Variants in PCDH19 observed in about 807,000 individuals in gnomAD.
PCDH19 encodes protocadherin 19.
A neutral mutation model predicts 46.2 loss-of-function variants in PCDH19; 6 were observed. The ratio of observed to expected loss-of-function variants is 0.13; its 90% CI spans 0.07 to 0.26. The LOEUF is 0.26. PCDH19 is among the 10% of genes least tolerant of loss of function. PCDH19 has a pLI of 1.00. For missense variants in PCDH19, 740 were observed against 972.3 expected, an observed-to-expected ratio of 0.76 and a Z score of 3.18; for synonymous variants, 481 against 415.7, an observed-to-expected ratio of 1.16 and a Z score of -1.91.
intron 3 of PCDH19, among the ~76,000 whole-genome samples, chrX:100,380,457 A>T (rs1340724946): frequency 8.9e-6 from 1 of 111,949 alleles, no homozygotes; most frequent in African/African-American, 3.2e-5. Context: ...AAGGCAGGGG[A>T]CTATGTCAGT....
intron 4 of PCDH19, 61 bp downstream of exon 4, chrX:100,350,585 G>T: frequency 2.5e-6 from 2 of 789,673 alleles, no homozygotes; most frequent in Non-Finnish European, 3.9e-6. Flanking sequence ...ATTTTAATCT[G>T]TTTTGCTTTT....
In PCDH19 at chrX:100,408,521, T is replaced by A. The variant is rs755403368; in HGVS notation, c.77A>T (p.Lys26Met). ...GCGCTGCTCCTCTTCTACCGAGTAC[T>A]TGAGATTAATGAGGGCGGCAGCCTG... ...WTQAAALINL[K>M]YSVEEEQRAG... The change falls in exon 1 of 6, where the codon AAG (lysine) becomes ATG (methionine). Residue 26 changes from lysine to methionine, a missense_variant. Lys to Met is a moderately conservative substitution (Grantham distance 95). Around this residue, in one of 5 missense-constraint regions of PCDH19, gnomAD observed 81 missense variants for 96.5 expected, o/e 0.84. Coordinates refer to ENST00000373034, the MANE Select transcript of PCDH19 (RefSeq NM_001184880.2). 16 of 1,198,577 alleles carry A rather than the reference T, an allele frequency of 1.3e-5. No individual in the cohort carries two copies. The highest frequency in any genetic ancestry group is 1.8e-5 in the Non-Finnish European group (16 of 892,275).
At chrX:100,352,677 C>T (rs972018717) in intron 3 of PCDH19, among the ~76,000 whole-genome samples, 2 of 111,312 alleles carry the variant, frequency 1.8e-5, no homozygotes, top group African/African-American at 6.5e-5. Context: ...AGTGTGTAGT[C>T]CTTCCTCCCC....
intron 3 of PCDH19, 90 bp downstream of exon 3, chrX:100,402,434 G>A (rs1157117622): frequency 1.2e-5 from 9 of 781,779 alleles, no homozygotes; most frequent in Non-Finnish European, 1.7e-5. Flanking sequence ...CCTGCCAGGG[G>A]ATGTGCCAGC....
Position 100,365,801 on chromosome X carries a change from G to T in PCDH19, c.2617-15097C>A, listed in dbSNP as rs773303880. Among the ~76,000 whole-genome samples the T allele has an allele frequency of 4.5e-5, 5 of 111,936 alleles. No homozygotes were observed. In the South Asian group the frequency reaches 1.9e-3, roughly 42 times the overall value. On this transcript the variant is annotated intron_variant, in intron 3 of 5. Coordinates refer to ENST00000373034, the MANE Select transcript of PCDH19 (RefSeq NM_001184880.2). ...AACCACCCCCAAAGCAACGCAGCTG[G>T]TTATTGGAAACTCAGGCATGGATTC...
intron 5 of PCDH19, among the ~76,000 whole-genome samples, chrX:100,303,404 T>C (rs1012567697): frequency 1.8e-5 from 2 of 111,767 alleles, no homozygotes; most frequent in Non-Finnish European, 3.8e-5. Context: ...ATCTTGAGGA[T>C]TGGGCTTATT....
intron 5 of PCDH19, among the ~76,000 whole-genome samples, chrX:100,304,081 A>C (rs1331216126): frequency 8.9e-6 from 1 of 112,521 alleles, no homozygotes; most frequent in Non-Finnish European, 1.9e-5. Flanking sequence ...TACACTCTTG[A>C]AAGCACCACC....
chrX:100,347,302 T>C (rs994487300), intron 4 of PCDH19, among the ~76,000 whole-genome samples: 2 of 110,875 alleles, frequency 1.8e-5, no homozygotes, highest in Non-Finnish European at 3.8e-5. Context: ...TTGTCTCTGC[T>C]CCCTTCCTCC....
At chrX:100,364,226 G>A (rs1274893239) in intron 3 of PCDH19, among the ~76,000 whole-genome samples, 2 of 110,715 alleles carry the variant, frequency 1.8e-5, no homozygotes, top group Admixed American at 9.6e-5. Context: ...AAGGACAGGG[G>A]CAAATTGACC....
At chrX:100,304,499 T>A (rs1447797304) in intron 5 of PCDH19, among the ~76,000 whole-genome samples, 1 of 111,541 alleles carries the variant, frequency 9.0e-6, no homozygotes, top group Non-Finnish European at 1.9e-5. Context: ...TCTGGTAATA[T>A]AACAAAACAA....
chrX:100,331,702 C>G (rs1486219586), intron 5 of PCDH19, among the ~76,000 whole-genome samples: 1 of 111,333 alleles, frequency 9.0e-6, no homozygotes, highest in African/African-American at 3.3e-5. Context: ...TGAGTGAGTT[C>G]TCACAGGAGC....
At chrX:100,344,696 A>G (rs1343993725) in intron 4 of PCDH19, among the ~76,000 whole-genome samples, 2 of 99,506 alleles carry the variant, frequency 2.0e-5, no homozygotes, top group Non-Finnish European at 4.0e-5. Flanking sequence ...TATGATGGTG[A>G]GGGATCTAGT....
rs1183609445 is a variant in PCDH19, at chrX:100,408,835, G to A, written c.-238C>T. The A allele has an allele frequency of 8.2e-6, 1 of 121,311 alleles. No homozygotes were observed. Among genetic ancestry groups the A allele is most frequent in the Non-Finnish European group, 1.7e-5 (1 of 59,486 alleles). The allele number at this position is 121,311 out of a possible 1,213,427, so 10.0% of individuals were successfully genotyped here. On this transcript the variant is annotated 5_prime_UTR_variant, in exon 1 of 6. Coordinates refer to ENST00000373034, the MANE Select transcript of PCDH19 (RefSeq NM_001184880.2). ...CTCGCGGGGGCCCCGGGGGCTCCGA[G>A]GGGCCAAGGGAGCGCCGCGCGGCCC...
In PCDH19 at chrX:100,409,893, T is replaced by C. The variant is rs900511778; in HGVS notation, c.-1296A>G. ...GCTGGCCGCGCTGCGTTGGGCTCCC[T>C]TCCTCCCGGGCGCTCGCGCACTCGG... is the stretch of plus-strand genomic sequence containing the variant. On this transcript the variant is annotated 5_prime_UTR_variant, in exon 1 of 6. Transcript: ENST00000373034. 3.2e-6 allele frequency: 1 copy of C among 312,315 alleles called. No individual in the cohort carries two copies. Among genetic ancestry groups the C allele is most frequent in the African/African-American group, 2.8e-5 (1 of 35,928 alleles). The allele number at this position is 312,315 out of a possible 1,213,427, so 25.7% of individuals were successfully genotyped here.
intron 5 of PCDH19, among the ~76,000 whole-genome samples, chrX:100,309,159 C>CACACACACAT (rs780854316): frequency 4.1e-4 from 45 of 108,604 alleles, no homozygotes; most frequent in Non-Finnish European, 6.5e-4. Flanking sequence ...TGCATGCACA[C>CACACACACAT]ACACACACAC....
intron 3 of PCDH19, among the ~76,000 whole-genome samples, chrX:100,383,202 A>G (rs1253018366): frequency 8.9e-6 from 1 of 112,132 alleles, no homozygotes; most frequent in Non-Finnish European, 1.9e-5. Flanking sequence ...GAACACTCAC[A>G]TTGAATCCTC....
Position 100,358,344 on chromosome X carries a change from A to G in PCDH19, c.2617-7640T>C, listed in dbSNP as rs563623073. 6.2e-5 allele frequency among the ~76,000 whole-genome samples: 7 copies of G among 112,219 alleles called. No homozygotes were observed. In the South Asian group the frequency reaches 2.6e-3, roughly 42 times the overall value. ...GACTGTCAGGACAGGACTATCAATG[A>G]GAAACACAGGCCATGTGGTTAACAT... On this transcript the variant is annotated intron_variant, in intron 3 of 5. Transcript: ENST00000373034.
intron 3 of PCDH19, among the ~76,000 whole-genome samples, chrX:100,391,463 A>G (rs1399525624): frequency 2.7e-5 from 3 of 112,137 alleles, no homozygotes; most frequent in Non-Finnish European, 5.6e-5. Flanking sequence ...TGCTGCCCTC[A>G]TTAAAAGCTA....
At chrX:100,315,942 T>C (rs779817301) in intron 5 of PCDH19, among the ~76,000 whole-genome samples, 2 of 111,716 alleles carry the variant, frequency 1.8e-5, no homozygotes, top group South Asian at 3.8e-4. Context: ...CAGTTGAATA[T>C]GATGGATGAT....
Sources: gnomAD v4.1 joint callset for allele counts (sites outside exome capture counted in the v4.1 genomes callset) on GRCh38, gnomAD v4.1.1 for gene constraint, gnomAD v4.1.1 regional missense constraint, MANE v1.5 for transcripts, NCBI Gene and HGNC (gene_info 2026-07-23, HGNC 2026-07-21) for gene names.